POLA1: variants seen among roughly 807,000 people sequenced by gnomAD.
The protein encoded by POLA1 is DNA polymerase alpha 1, catalytic subunit, also known as DNA polymerase alpha catalytic subunit.
POLA1 carries 15 observed loss-of-function variants against 124.0 expected under a neutral mutation model. That is an observed-to-expected ratio of 0.12 (90% CI 0.08 to 0.19). The LOEUF is 0.19. Among genes scored for constraint, POLA1 ranks in the 10% least tolerant of loss-of-function variants. POLA1 has a pLI of 1.00. For missense variants in POLA1, 886 were observed against 1,103.4 expected (o/e 0.80, Z 2.79); for synonymous variants, 408 against 389.4 (o/e 1.05, Z -0.56).
intron 32 of POLA1, among the ~76,000 whole-genome samples, chrX:24,834,330 C>A (rs1390229865): frequency 9.0e-6 from 1 of 111,566 alleles, no homozygotes; most frequent in African/African-American, 3.3e-5. Flanking sequence ...TCATTTAAAC[C>A]AAAGGCTCGG....
intron 4 of POLA1, among the ~76,000 whole-genome samples, chrX:24,713,247 G>C (rs1434340450): frequency 9.0e-6 from 1 of 111,426 alleles, no homozygotes; most frequent in African/African-American, 3.3e-5. Context: ...ACAGGCGTGA[G>C]CCACCGCGCC....
chrX:24,788,463 G>T (rs1362102306), intron 26 of POLA1: 2 of 1,197,298 alleles, frequency 1.7e-6, no homozygotes. Context: ...TGCTCCTCCA[G>T]CATATCTGTT....
chrX:24,955,865 T>G (rs112742178), intron 36 of POLA1, among the ~76,000 whole-genome samples: 7 of 112,381 alleles, frequency 6.2e-5, no homozygotes, highest in African/African-American at 1.9e-4. Flanking sequence ...ATATTGTAGT[T>G]TTCAATAACA....
intron 35 of POLA1, among the ~76,000 whole-genome samples, chrX:24,904,425 GT>G (rs764093390): frequency 0.019 from 1,920 of 98,757 alleles, 21 homozygotes; most frequent in Non-Finnish European, 0.031. Context: ...GCTTTCTTTT[GT>G]TTTTTTTTTT....
chrX:24,733,686 G>A, intron 16 of POLA1, 69 bp from the exon 17 acceptor site: 2 of 579,799 alleles, frequency 3.4e-6, no homozygotes, highest in Non-Finnish European at 5.6e-6. Context: ...TTGGAAACAT[G>A]TACTATATGA....
intron 34 of POLA1, among the ~76,000 whole-genome samples, chrX:24,858,026 C>G (rs762178327): frequency 9.8e-5 from 11 of 111,977 alleles, no homozygotes; most frequent in Non-Finnish European, 2.1e-4. Flanking sequence ...ACGCCTGTAT[C>G]AAGTTGATTG....
intron 2 of POLA1, among the ~76,000 whole-genome samples, chrX:24,701,172 A>G (rs138798581): frequency 1.3e-4 from 14 of 111,358 alleles, no homozygotes; most frequent in African/African-American, 4.2e-4. Flanking sequence ...TCTTTTGTTA[A>G]AAGCTTAATT....
Position 24,930,553 on chromosome X carries a change from C to T in POLA1, c.4261+4C>T, listed in dbSNP as rs376559609. The T allele has an allele frequency of 1.2e-4, 127 of 1,057,828 alleles. No homozygotes were observed. In the African/African-American group the frequency reaches 1.6e-3, roughly 13 times the overall value. The allele number at this position is 1,057,828 out of a possible 1,213,427, so 87.2% of individuals were successfully genotyped here. Reference sequence around the variant, plus strand: ...CTTACTACCGATCATGAGAAAGGTACGTTAAAATACTGTAATTACCTTTGA... The same window carrying T: ...CTTACTACCGATCATGAGAAAGGTATGTTAAAATACTGTAATTACCTTTGA... On this transcript the variant is annotated splice_donor_region_variant and intron_variant, in intron 36 of 36. Coordinates refer to ENST00000379068, the MANE Select transcript of POLA1 (RefSeq NM_001330360.2).
chrX:24,907,616 T>TTC (rs2047387138), intron 35 of POLA1, among the ~76,000 whole-genome samples: 1 of 111,915 alleles, frequency 8.9e-6, no homozygotes, highest in Non-Finnish European at 1.9e-5. Context: ...CAGTACAAAT[T>TTC]TCTATGTCCA....
chrX:24,920,316 A>G (rs1487409552), intron 35 of POLA1, among the ~76,000 whole-genome samples: 3 of 111,800 alleles, frequency 2.7e-5, no homozygotes, highest in Non-Finnish European at 5.6e-5. Flanking sequence ...TGGCTTGGTC[A>G]GTTTCTCATT....
At chrX:24,818,415 G>A (rs868729863) in intron 30 of POLA1, among the ~76,000 whole-genome samples, 1 of 111,374 alleles carries the variant, frequency 9.0e-6, no homozygotes, top group African/African-American at 3.3e-5. Context: ...AAAACTTCAC[G>A]TATTCCAAGT....
In POLA1 at chrX:24,789,542, A is replaced by AT. The variant is rs768663854; in HGVS notation, c.2965-20345dup. 1.8e-3 allele frequency among the ~76,000 whole-genome samples: 189 copies of AT among 106,834 alleles called. 1 individual carries two copies. The highest frequency in any genetic ancestry group is 5.3e-3 in the African/African-American group (156 of 29,625). 92.8% of individuals were successfully genotyped at this position (106,834 alleles called of 115,157 possible). A position where few individuals can be genotyped will look rare whatever the true frequency, so the allele number is the denominator to read the frequency against. On this transcript the variant is annotated intron_variant, in intron 26 of 36. Transcript: ENST00000379068. ...ACATGGAAAGGGCCTGTGTTCATGG[A>AT]TTTTTTTTTTTAAGGCCTTTCCGTT...
intron 36 of POLA1, among the ~76,000 whole-genome samples, chrX:24,951,343 A>AACCCCCCCCCC (rs2048039914): frequency 1.2e-4 from 5 of 40,937 alleles, no homozygotes; most frequent in Non-Finnish European, 2.3e-4. Flanking sequence ...ACACCTCCCT[A>AACCCCCCCCCC]CCCCCCCCCC....
chrX:24,891,066 A>C (rs1220142516), intron 35 of POLA1, among the ~76,000 whole-genome samples: 1 of 112,679 alleles, frequency 8.9e-6, no homozygotes, highest in African/African-American at 3.2e-5. Context: ...AGGTTAGTCT[A>C]TAATCTTAGA....
intron 7 of POLA1, 21 bp downstream of exon 7, chrX:24,716,475 T>A (rs374753653): frequency 4.0e-5 from 35 of 880,209 alleles, no homozygotes; most frequent in Non-Finnish European, 5.4e-5. Context: ...TAGAGATACC[T>A]TCAATCTTGA....
At chrX:24,783,496 A>G in intron 26 of POLA1, among the ~76,000 whole-genome samples, 1 of 112,112 alleles carries the variant, frequency 8.9e-6, no homozygotes. Flanking sequence ...TGTACTATAA[A>G]TTTTTGGCCT....
intron 36 of POLA1, among the ~76,000 whole-genome samples, chrX:24,971,895 G>A (rs1482601697): frequency 9.0e-6 from 1 of 110,872 alleles, no homozygotes; most frequent in Non-Finnish European, 1.9e-5. Context: ...TTTAAAGATG[G>A]AGGGGGGATT....
chrX:24,834,917 A>G (rs2046321287), intron 32 of POLA1, among the ~76,000 whole-genome samples: 1 of 111,510 alleles, frequency 9.0e-6, no homozygotes, highest in African/African-American at 3.3e-5. Context: ...AAACCCTCAT[A>G]TACTCATCAC....
At chrX:24,789,558 C>T (rs1197692923) in intron 26 of POLA1, among the ~76,000 whole-genome samples, 1 of 110,238 alleles carries the variant, frequency 9.1e-6, no homozygotes, top group Non-Finnish European at 1.9e-5. Flanking sequence ...TTTTTTAAGG[C>T]CTTTCCGTTA....
Sources: gnomAD v4.1 joint callset for allele counts (sites outside exome capture counted in the v4.1 genomes callset) on GRCh38, gnomAD v4.1.1 for gene constraint, MANE v1.5 for transcripts, NCBI Gene and HGNC (gene_info 2026-07-23, HGNC 2026-07-21) for gene names.